The following PDE7B variants were observed in gnomAD, a reference collection of about 807,000 sequenced individuals.
The protein encoded by PDE7B is phosphodiesterase 7B, also known as 3',5'-cyclic-AMP phosphodiesterase 7B.
Under a neutral mutation model 56.2 loss-of-function variants are expected in PDE7B, and 29 were observed. That is an observed-to-expected ratio of 0.52 (90% confidence interval 0.38 to 0.70). PDE7B has a LOEUF of 0.70. Ranked by LOEUF, PDE7B falls within the 30% of genes least tolerant of loss-of-function variation. PDE7B has a pLI of 0.00. For synonymous variants in PDE7B, 197 were observed against 196.9 expected, an observed-to-expected ratio of 1.00 and a Z score of 0.00; for missense variants, 490 against 565.0, an observed-to-expected ratio of 0.87 and a Z score of 1.35.
At chr6:136,004,875 A>G (rs1775747743) in intron 2 of PDE7B, among the ~76,000 whole-genome samples, 2 of 152,004 alleles carry the variant, frequency 1.3e-5, no homozygotes, top group Non-Finnish European at 2.9e-5. Flanking sequence ...TATGGAACCA[A>G]AAAAGAGCCC....
At chr6:136,060,832 G>A (rs1776825266) in intron 2 of PDE7B, among the ~76,000 whole-genome samples, 1 of 152,156 alleles carries the variant, frequency 6.6e-6, no homozygotes, top group Admixed American at 6.5e-5. Context: ...TCTAAGCCTA[G>A]AGTTCTTTTC....
At chr6:136,124,973 A>T (rs1777997283) in intron 3 of PDE7B, among the ~76,000 whole-genome samples, 1 of 152,220 alleles carries the variant, frequency 6.6e-6, no homozygotes, top group South Asian at 2.1e-4. Context: ...TGTATTTGTG[A>T]TAAAACAAAT....
chr6:136,170,454 G>C (rs1778860550), intron 8 of PDE7B, among the ~76,000 whole-genome samples: 1 of 151,950 alleles, frequency 6.6e-6, no homozygotes, highest in South Asian at 2.1e-4. Flanking sequence ...ATAATTCCCT[G>C]TTCCTCCCTC....
intron 3 of PDE7B, among the ~76,000 whole-genome samples, chr6:136,140,306 C>T (rs897924929): frequency 4.6e-5 from 7 of 152,194 alleles, no homozygotes; most frequent in South Asian, 2.1e-4. Flanking sequence ...TTTCTGAGGG[C>T]TCTGTTCTGT....
intron 2 of PDE7B, among the ~76,000 whole-genome samples, chr6:136,028,584 T>A (rs1776190164): frequency 6.6e-6 from 1 of 152,220 alleles, no homozygotes; most frequent in South Asian, 2.1e-4. Context: ...TTTTCCTGCC[T>A]TTTTTATCTT....
intron 8 of PDE7B, among the ~76,000 whole-genome samples, chr6:136,167,906 G>A (rs973957699): frequency 3.3e-5 from 5 of 152,120 alleles, no homozygotes; most frequent in African/African-American, 1.2e-4. Context: ...ACATCAATGG[G>A]ACTGAGTTTA....
intron 3 of PDE7B, among the ~76,000 whole-genome samples, chr6:136,113,911 AC>A (rs1777789987): frequency 6.6e-6 from 1 of 152,196 alleles, no homozygotes; most frequent in Admixed American, 6.5e-5. Context: ...TCCCGTGGCA[AC>A]CATCTCAGAG....
At chr6:136,125,668 A>G (rs1017629592) in intron 3 of PDE7B, among the ~76,000 whole-genome samples, 5 of 152,168 alleles carry the variant, frequency 3.3e-5, no homozygotes, top group Non-Finnish European at 5.9e-5. Context: ...TGGTATAGGC[A>G]GATATGGTAA....
chr6:135,892,163 T>C (rs1426124728), intron 1 of PDE7B, among the ~76,000 whole-genome samples: 1 of 152,162 alleles, frequency 6.6e-6, no homozygotes. Context: ...TTTTGAGTGG[T>C]ATTTGTAGAA....
intron 2 of PDE7B, among the ~76,000 whole-genome samples, chr6:135,996,690 A>G (rs992037941): frequency 1.3e-5 from 2 of 152,230 alleles, no homozygotes; most frequent in South Asian, 2.1e-4. Context: ...AAATATGTTC[A>G]TTTGGTCCAA....
intron 1 of PDE7B, among the ~76,000 whole-genome samples, chr6:135,911,380 C>T (rs1267128237): frequency 6.6e-6 from 1 of 152,162 alleles, no homozygotes; most frequent in Non-Finnish European, 1.5e-5. Flanking sequence ...TTTCTTCTCC[C>T]CAGGGGAAAC....
chr6:135,909,971 C>T (rs1776184364), intron 1 of PDE7B, among the ~76,000 whole-genome samples: 1 of 152,222 alleles, frequency 6.6e-6, no homozygotes, highest in African/African-American at 2.4e-5. Context: ...ATGGCGCCCT[C>T]TACTGCTTAC....
chr6:136,008,975 A>G (rs1398294510), intron 2 of PDE7B, among the ~76,000 whole-genome samples: 4 of 151,888 alleles, frequency 2.6e-5, no homozygotes, highest in Admixed American at 1.3e-4. Flanking sequence ...TAGGTCTAAC[A>G]TTTAAGTCTT....
chr6:136,110,217 G>A (rs999069834), intron 3 of PDE7B, among the ~76,000 whole-genome samples: 7 of 152,194 alleles, frequency 4.6e-5, no homozygotes, highest in South Asian at 4.2e-4. Flanking sequence ...TTGGAAGACC[G>A]AATTGAGCCA....
intron 2 of PDE7B, among the ~76,000 whole-genome samples, chr6:135,993,765 T>C (rs541526867): frequency 6.6e-6 from 1 of 152,324 alleles, no homozygotes; most frequent in African/African-American, 2.4e-5. Flanking sequence ...ATTAACAAAG[T>C]GACCAAGGTA....
At chr6:136,034,145 T>A (rs900654087) in intron 2 of PDE7B, 1 of 152,242 alleles carries the variant, frequency 6.6e-6, no homozygotes, top group Non-Finnish European at 1.5e-5. Flanking sequence ...AGTTTCCATT[T>A]TTTTGAAAGG....
intron 2 of PDE7B, among the ~76,000 whole-genome samples, chr6:136,079,281 T>A (rs1254366265): frequency 6.6e-6 from 1 of 152,188 alleles, no homozygotes; most frequent in Non-Finnish European, 1.5e-5. Flanking sequence ...CTGGCTTTGT[T>A]CTCCGTTTGA....
intron 3 of PDE7B, among the ~76,000 whole-genome samples, chr6:136,126,043 A>G (rs745521877): frequency 2.6e-5 from 4 of 152,220 alleles, no homozygotes; most frequent in Non-Finnish European, 5.9e-5. Context: ...CTTATGACAA[A>G]TAATGTTTTC....
chr6:136,129,886 C>A (rs375391537), intron 3 of PDE7B, among the ~76,000 whole-genome samples: 3 of 152,328 alleles, frequency 2.0e-5, no homozygotes, highest in East Asian at 3.9e-4. Flanking sequence ...GCAAGAGAAA[C>A]CTCAGTGCCA....
Sources: gnomAD v4.1 joint callset for allele counts (sites outside exome capture counted in the v4.1 genomes callset) on GRCh38, gnomAD v4.1.1 for gene constraint, MANE v1.5 for transcripts, NCBI Gene and HGNC (gene_info 2026-07-23, HGNC 2026-07-21) for gene names.